HIVEP3: variants seen among roughly 807,000 people sequenced by gnomAD.
HIVEP3 encodes the protein HIVEP zinc finger 3, also known as transcription factor HIVEP3.
Under a neutral mutation model 152.8 loss-of-function variants are expected in HIVEP3, and 49 were observed. The ratio of observed to expected loss-of-function variants is 0.32; its 90% CI spans 0.26 to 0.41. The LOEUF (loss-of-function observed/expected upper bound fraction) is 0.41. Ranked by LOEUF, HIVEP3 falls within the 10% of genes least tolerant of loss-of-function variation. HIVEP3 has a pLI of 1.00. For synonymous variants in HIVEP3, 1,269 were observed against 1,289.0 expected, an observed-to-expected ratio of 0.98 and a Z score of 0.33; for missense variants, 2,790 against 3,103.3, an observed-to-expected ratio of 0.90 and a Z score of 2.40.
chr1:41,517,060 A>G (rs1286419923), intron 7 of HIVEP3, among the ~76,000 whole-genome samples: 1 of 152,208 alleles, frequency 6.6e-6, no homozygotes, highest in African/African-American at 2.4e-5. Context: ...TGTGCCCAGT[A>G]ATTACTTCTG....
intron 3 of HIVEP3, among the ~76,000 whole-genome samples, chr1:41,595,727 G>T (rs1644656298): frequency 6.6e-6 from 1 of 152,146 alleles, no homozygotes; most frequent in Non-Finnish European, 1.5e-5. Flanking sequence ...CTAATCAGCT[G>T]CCAGTGTGTC....
intron 1 of HIVEP3, among the ~76,000 whole-genome samples, chr1:41,907,411 G>A (rs1249311805): frequency 6.6e-6 from 1 of 152,202 alleles, no homozygotes; most frequent in Non-Finnish European, 1.5e-5. Flanking sequence ...GATGGTAAAA[G>A]AGGGAACCCT....
At chr1:41,957,118 T>C (rs944135977) in intron 1 of HIVEP3, among the ~76,000 whole-genome samples, 1 of 152,180 alleles carries the variant, frequency 6.6e-6, no homozygotes, top group Non-Finnish European at 1.5e-5. Flanking sequence ...ACCAAGGCAG[T>C]AATTTATATT....
rs1457558816 is a variant in HIVEP3 at position 41,829,676 on chromosome 1, T to C, written c.-801+88737A>G. Among the ~76,000 whole-genome samples, 4 of 151,658 alleles carry C rather than the reference T, an allele frequency of 2.6e-5. No individual in the cohort carries two copies. In the East Asian group the frequency reaches 7.7e-4, roughly 29 times the overall value. ...ACATACAAACCTAGCACATACAAACTGATAAAAACTATGAAATATATTCAT... is the reference window on the plus strand; with the variant it reads ...ACATACAAACCTAGCACATACAAACCGATAAAAACTATGAAATATATTCAT... On this transcript the variant is annotated intron_variant, in intron 1 of 8. Transcript: ENST00000372583.
At chr1:41,912,289 T>C (rs770580225) in intron 1 of HIVEP3, among the ~76,000 whole-genome samples, 7 of 152,226 alleles carry the variant, frequency 4.6e-5, no homozygotes, top group Non-Finnish European at 7.3e-5. Flanking sequence ...GTGTTAGTCA[T>C]AATGTTATTC....
chr1:41,528,321 A>C (rs1176870728), intron 5 of HIVEP3, among the ~76,000 whole-genome samples: 1 of 61,112 alleles, frequency 1.6e-5, no homozygotes, highest in Non-Finnish European at 3.2e-5. Flanking sequence ...TTCACACTCC[A>C]CACCCCCACA....
At chr1:41,641,450 C>T (rs1360862068) in intron 2 of HIVEP3, among the ~76,000 whole-genome samples, 1 of 152,246 alleles carries the variant, frequency 6.6e-6, no homozygotes, top group Non-Finnish European at 1.5e-5. Flanking sequence ...ACCCCATCTT[C>T]CACCCCATCC....
chr1:41,972,131 C>A (rs1645233431), intron 1 of HIVEP3, among the ~76,000 whole-genome samples: 1 of 152,204 alleles, frequency 6.6e-6, no homozygotes, highest in Non-Finnish European at 1.5e-5. Context: ...TGTTTTCATT[C>A]AGGAAGTCCT....
intron 1 of HIVEP3, among the ~76,000 whole-genome samples, chr1:41,859,898 G>A (rs1643866293): frequency 6.6e-6 from 1 of 152,200 alleles, no homozygotes; most frequent in Admixed American, 6.5e-5. Flanking sequence ...TGGCCTCAAA[G>A]TGAACTCCCT....
upstream of HIVEP3, among the ~76,000 whole-genome samples, chr1:41,920,099 C>T (rs1348932106): frequency 6.6e-6 from 1 of 152,208 alleles, no homozygotes; most frequent in African/African-American, 2.4e-5. Context: ...CCTGTGTGGA[C>T]CCCTCCCAGC....
At chr1:41,828,145 G>C (rs548852148) in intron 1 of HIVEP3, among the ~76,000 whole-genome samples, 62 of 152,364 alleles carry the variant, frequency 4.1e-4, no homozygotes, top group Non-Finnish European at 7.3e-4. Flanking sequence ...TATGGAAGCA[G>C]TCACTCTGGA....
chr1:41,805,139 C>T (rs988586482), intron 1 of HIVEP3, among the ~76,000 whole-genome samples: 1 of 152,164 alleles, frequency 6.6e-6, no homozygotes, highest in Non-Finnish European at 1.5e-5. Context: ...AAGTTCGAGA[C>T]CAGCCTGGCC....
intron 1 of HIVEP3, among the ~76,000 whole-genome samples, chr1:41,866,113 C>A (rs1643967062): frequency 6.6e-6 from 1 of 152,244 alleles, no homozygotes; most frequent in South Asian, 2.1e-4. Context: ...GGCAGATCCA[C>A]AGTGGACTCT....
chr1:41,735,753 TC>T (rs1317593865), intron 1 of HIVEP3, among the ~76,000 whole-genome samples: 5 of 152,090 alleles, frequency 3.3e-5, no homozygotes, highest in Non-Finnish European at 7.4e-5. Flanking sequence ...GTCTGCCTGC[TC>T]CCTGGCCACC....
intron 1 of HIVEP3, among the ~76,000 whole-genome samples, chr1:41,832,579 A>G (rs779227058): frequency 6.6e-6 from 1 of 152,208 alleles, no homozygotes; most frequent in Non-Finnish European, 1.5e-5. Context: ...TATAAACCAG[A>G]AAACTCAAAA....
At chr1:41,605,374 C>CGT (rs1491176127) in intron 3 of HIVEP3, among the ~76,000 whole-genome samples, 7 of 85,718 alleles carry the variant, frequency 8.2e-5, no homozygotes, top group East Asian at 1.1e-3. Context: ...CACGCACACG[C>CGT]GCACACACAC....
At chr1:41,563,048 C>T (rs1644103627) in intron 5 of HIVEP3, among the ~76,000 whole-genome samples, 1 of 151,874 alleles carries the variant, frequency 6.6e-6, no homozygotes, top group Non-Finnish European at 1.5e-5. Context: ...GGCAGGGGTG[C>T]CATAAAGAAA....
rs547260619 is a variant in HIVEP3, at chr1:41,816,076, TG to T, written c.-801+102336del. 1.9e-4 allele frequency among the ~76,000 whole-genome samples: 29 copies of T among 152,312 alleles called. No individual in the cohort carries two copies. In the South Asian group the frequency reaches 6.0e-3, roughly 32 times the overall value. On this transcript the variant is annotated intron_variant, in intron 1 of 8. Transcript: ENST00000372583. ...CTTGGAAGCAGGGCCAGTATTAGTATGTAGAAAGTGGCAGTACCAGCATTTG... is the reference window on the plus strand; with the variant it reads ...CTTGGAAGCAGGGCCAGTATTAGTATTAGAAAGTGGCAGTACCAGCATTTG...
intron 1 of HIVEP3, among the ~76,000 whole-genome samples, chr1:41,929,015 T>G (rs1191468901): frequency 6.6e-6 from 1 of 152,146 alleles, no homozygotes; most frequent in Non-Finnish European, 1.5e-5. Flanking sequence ...ATTTTTCCCT[T>G]TGCAATTGAT....
Sources: allele counts gnomAD v4.1 joint callset (sites outside exome capture counted in the v4.1 genomes callset), GRCh38; gene constraint gnomAD v4.1.1; transcripts MANE v1.5; gene names NCBI Gene and HGNC (gene_info 2026-07-23, HGNC 2026-07-21).